Variants in PHKB observed in about 807,000 individuals in gnomAD.
The protein encoded by PHKB is phosphorylase kinase regulatory subunit beta.
A neutral mutation model predicts 152.1 loss-of-function variants in PHKB; 122 were observed. The observed-to-expected ratio is 0.80, with a 90% CI of 0.69 to 0.93. PHKB has a LOEUF of 0.93. Among genes scored for constraint, PHKB ranks in the 40% least tolerant of loss-of-function variants. The pLI, the probability that PHKB is intolerant of heterozygous loss-of-function variation, is 0.00. For missense variants in PHKB, 1,304 were observed against 1,328.4 expected (o/e 0.98, Z 0.29); for synonymous variants, 436 against 464.9 (o/e 0.94, Z 0.80).
chr16:47,649,073 T>C (rs200015749), intron 17 of PHKB, 27 bp from the exon 18 acceptor site: 3 of 1,269,228 alleles, frequency 2.4e-6, no homozygotes, highest in East Asian at 4.6e-5. Context: ...TCTTTAGTTA[T>C]TTGTTTTAAA....
Position 47,533,362 on chromosome 16 carries a change from C to T in PHKB, c.595-14071C>T, listed in dbSNP as rs1267706163. Among the ~76,000 whole-genome samples the T allele has an allele frequency of 2.6e-5, 4 of 152,296 alleles. No homozygotes were observed. The East Asian group carries it at 7.7e-4, about 30-fold the overall frequency. On this transcript the variant is annotated intron_variant, in intron 6 of 30. Coordinates refer to ENST00000323584, the MANE Select transcript of PHKB (RefSeq NM_000293.3). ...GGCAGTCCAGCCGCCAGCCTTCAGG[C>T]CCTCCCTGGCCTGAAAGTGGGGCCT...
At chr16:47,575,520 T>C (rs1243763462) in intron 7 of PHKB, among the ~76,000 whole-genome samples, 1 of 152,212 alleles carries the variant, frequency 6.6e-6, no homozygotes, top group African/African-American at 2.4e-5. Flanking sequence ...TGTTCAGCCA[T>C]AAAATGAATG....
intron 6 of PHKB, among the ~76,000 whole-genome samples, chr16:47,519,767 C>T (rs530877030): frequency 1.3e-5 from 2 of 152,258 alleles, no homozygotes; most frequent in East Asian, 1.9e-4. Context: ...CTAGGAGTTA[C>T]GTATGATCAG....
intron 6 of PHKB, among the ~76,000 whole-genome samples, chr16:47,533,745 A>G (rs1055007326): frequency 1.3e-5 from 2 of 152,104 alleles, no homozygotes. Flanking sequence ...TTGGGCCCCC[A>G]AGAGTATAGA....
intron 6 of PHKB, among the ~76,000 whole-genome samples, chr16:47,522,621 C>CT (rs1436621370): frequency 3.3e-5 from 5 of 149,906 alleles, no homozygotes; most frequent in African/African-American, 9.8e-5. Context: ...GTTTCTTGTG[C>CT]TAAAAGATTA....
chr16:47,468,394 A>C lies in PHKB; in HGVS notation c.76+6968A>C, dbSNP rs111791090. On this transcript the variant is annotated intron_variant, in intron 1 of 30. Transcript: ENST00000323584. ...AATCTACAATCCCAGGCTCACGCCT[A>C]TAATCCCAGCACTGTGGGAGGCCAA... 3.9e-5 allele frequency among the ~76,000 whole-genome samples: 6 copies of C among 152,396 alleles called. 1 individual carries two copies. Among genetic ancestry groups the C allele is most frequent in the African/African-American group, 1.2e-4 (5 of 41,596 alleles).
chr16:47,610,714 A>T, intron 13 of PHKB, 112 bp from the exon 14 acceptor site: 1 of 722,552 alleles, frequency 1.4e-6, no homozygotes, highest in Non-Finnish European at 2.5e-6. Flanking sequence ...TTTCATGTAC[A>T]CTGAGAAAAA....
In PHKB at chr16:47,495,469, C is replaced by G. The variant is rs76193683; in HGVS notation, c.77-1930C>G. ...TTTTGTATGTAAAGCAAAATACTAC[C>G]TCTACTAATAGAGATCTAAATAAAA... On this transcript the variant is annotated intron_variant, in intron 1 of 30. Coordinates refer to ENST00000323584, the MANE Select transcript of PHKB (RefSeq NM_000293.3). 2.8e-4 allele frequency among the ~76,000 whole-genome samples: 43 copies of G among 152,128 alleles called. No individual in the cohort carries two copies. In the East Asian group the frequency reaches 8.1e-3, roughly 29 times the overall value.
At chr16:47,589,179 T>A in intron 10 of PHKB, 77 bp downstream of exon 10, 1 of 1,079,868 alleles carries the variant, frequency 9.3e-7, no homozygotes. Flanking sequence ...CCATTGGGTT[T>A]GAATTCTGGC....
intron 6 of PHKB, among the ~76,000 whole-genome samples, chr16:47,537,043 TG>T (rs1173196235): frequency 1.3e-5 from 2 of 152,120 alleles, no homozygotes; most frequent in African/African-American, 4.8e-5. Flanking sequence ...GGGGACAGGG[TG>T]GGAAGATTAT....
chr16:47,469,649 G>C (rs1969729491), intron 1 of PHKB, among the ~76,000 whole-genome samples: 1 of 152,058 alleles, frequency 6.6e-6, no homozygotes, highest in Non-Finnish European at 1.5e-5. Flanking sequence ...ACTAACTGTT[G>C]GGTTCTTTAT....
intron 23 of PHKB, among the ~76,000 whole-genome samples, chr16:47,663,304 A>C (rs908032645): frequency 5.9e-5 from 9 of 152,210 alleles, no homozygotes; most frequent in Non-Finnish European, 1.0e-4. Context: ...GAAAACTCAT[A>C]TATATTAGAG....
chr16:47,494,402 T>C (rs983533493), intron 1 of PHKB, among the ~76,000 whole-genome samples: 2 of 152,208 alleles, frequency 1.3e-5, no homozygotes, highest in Non-Finnish European at 2.9e-5. Context: ...ATTGATTAGC[T>C]CTATATTGTT....
chr16:47,619,820 C>G (rs1597129028), intron 14 of PHKB, among the ~76,000 whole-genome samples: 1 of 152,216 alleles, frequency 6.6e-6, no homozygotes, highest in African/African-American at 2.4e-5. Flanking sequence ...CTGCAAGCAG[C>G]TGGCCATATG....
chr16:47,548,100 T>C (rs1372892185), intron 7 of PHKB: 1 of 156,132 alleles, frequency 6.4e-6, no homozygotes, highest in Non-Finnish European at 1.4e-5. Flanking sequence ...ATGTTAGTAG[T>C]TTATGAATTT....
intron 6 of PHKB, among the ~76,000 whole-genome samples, chr16:47,516,221 C>T (rs995975182): frequency 2.6e-5 from 4 of 152,110 alleles, no homozygotes; most frequent in Admixed American, 6.5e-5. Context: ...CCACCGTGCC[C>T]GGCCTCTTTC....
At chr16:47,544,229 C>A (rs1971116517) in intron 6 of PHKB, among the ~76,000 whole-genome samples, 1 of 152,198 alleles carries the variant, frequency 6.6e-6, no homozygotes, top group Non-Finnish European at 1.5e-5. Context: ...GCATTTAGTG[C>A]TATAAATTTC....
intron 14 of PHKB, chr16:47,619,161 A>G (rs984929707): frequency 3.3e-5 from 5 of 152,238 alleles, no homozygotes; most frequent in African/African-American, 1.2e-4. Flanking sequence ...GAGGTTTAGT[A>G]ATCTCTCCAA....
intron 29 of PHKB, among the ~76,000 whole-genome samples, chr16:47,697,104 A>G (rs887078428): frequency 1.3e-5 from 2 of 152,220 alleles, no homozygotes; most frequent in African/African-American, 4.8e-5. Flanking sequence ...AAATACATAG[A>G]GAAGCCACCA....
Sources: allele counts gnomAD v4.1 joint callset (sites outside exome capture counted in the v4.1 genomes callset), GRCh38; gene constraint gnomAD v4.1.1; transcripts MANE v1.5; gene names NCBI Gene and HGNC (gene_info 2026-07-23, HGNC 2026-07-21).